Variants in OLFML2B observed in about 807,000 individuals in gnomAD.
The protein encoded by OLFML2B is olfactomedin like 2B.
Under a neutral mutation model 74.9 loss-of-function variants are expected in OLFML2B, and 57 were observed. The observed-to-expected ratio is 0.76, with a 90% CI of 0.61 to 0.95. OLFML2B has a LOEUF of 0.95. Ranked by LOEUF, OLFML2B falls within the 40% of genes least tolerant of loss-of-function variation. OLFML2B has a pLI of 0.00. For missense variants in OLFML2B, 986 were observed against 970.6 expected (o/e 1.02, Z -0.21); for synonymous variants, 388 against 405.8 (o/e 0.96, Z 0.53).
chr1:161,994,305 C>T (rs1043420462), intron 6 of OLFML2B, among the ~76,000 whole-genome samples: 20 of 152,280 alleles, frequency 1.3e-4, no homozygotes, highest in African/African-American at 4.8e-4. Context: ...TGACACGAGA[C>T]AGGCAGGACT....
At chr1:161,985,153 C>G (rs373210501) in intron 6 of OLFML2B, 173 bp from the exon 7 acceptor site, 13 of 577,502 alleles carry the variant, frequency 2.3e-5, no homozygotes, top group East Asian at 1.8e-4. Context: ...CCTGATCCAC[C>G]CTACACTTGA....
intron 6 of OLFML2B, among the ~76,000 whole-genome samples, chr1:161,996,803 C>G (rs1689919428): frequency 1.3e-5 from 2 of 152,214 alleles, no homozygotes; most frequent in Admixed American, 6.5e-5. Flanking sequence ...CTCCATGCTT[C>G]TGGAACATAC....
In OLFML2B at chr1:161,998,567, C is replaced by T. The variant is rs1689993586; in HGVS notation, c.950-218G>A. On this transcript the variant is annotated intron_variant, in intron 5 of 7. Transcript: ENST00000294794. ...GGGGGTTTCTCTGAATAGACTGCAG[C>T]CATGCTCCCCCCAGGACTCAGGGGT... Among the ~76,000 whole-genome samples, 5 of 152,130 alleles carry T rather than the reference C, an allele frequency of 3.3e-5. No individual in the cohort carries two copies. The South Asian group carries it at 1.0e-3, about 31-fold the overall frequency.
chr1:162,003,738 C>T (rs938550371), intron 4 of OLFML2B, among the ~76,000 whole-genome samples: 1 of 152,270 alleles, frequency 6.6e-6, no homozygotes, highest in African/African-American at 2.4e-5. Context: ...GAGAAGCCCT[C>T]AACAAATTAA....
In OLFML2B at chr1:161,984,848, CCGTAGTAA is replaced by C. The variant is rs772089370; in HGVS notation, c.1599_1606del (p.Tyr533Ter). The C allele has an allele frequency of 9.3e-6, 15 of 1,613,148 alleles. No individual in the cohort carries two copies. In the Admixed American group the frequency reaches 2.5e-4, roughly 27 times the overall value. On this transcript the variant is annotated stop_gained and frameshift_variant, in exon 7 of 8. Coordinates refer to ENST00000294794, the MANE Select transcript of OLFML2B (RefSeq NM_015441.3). LOFTEE classifies it high-confidence loss of function. ...GTTCCGGAACTCTACCAGGGTGTTG[CCGTAGTAA>C]TAGTTGGTTACGTAAATCCGCTCAT...
chr1:162,023,494 A>G lies in OLFML2B; in HGVS notation c.-64T>C. The G allele has an allele frequency of 7.2e-7, 1 of 1,384,552 alleles. No homozygotes were observed. The highest frequency in any genetic ancestry group is 9.5e-7 in the Non-Finnish European group (1 of 1,056,288). 85.8% of individuals were successfully genotyped at this position (1,384,552 alleles called of 1,614,324 possible). On this transcript the variant is annotated 5_prime_UTR_variant, in exon 1 of 8. Transcript: ENST00000294794. ...ATGGCTGGGGCGGGGGGTCTCGGCA[A>G]GGACTTCTGCGAGAGGGTGTCCTCG...
chr1:162,022,260 T>TTTTTTTTTTTTC (rs1460566719), intron 1 of OLFML2B, among the ~76,000 whole-genome samples: 8 of 127,818 alleles, frequency 6.3e-5, no homozygotes, highest in African/African-American at 9.6e-5. Flanking sequence ...TTTTTTTTTT[T>TTTTTTTTTTTTC]TTTTTTTTGA....
In OLFML2B at chr1:162,022,260, T is replaced by TTTTTTTTTTTTTTTTTTTTTTTTTTTTTC. The variant is rs1460566719; in HGVS notation, c.174+996_174+997insGAAAAAAAAAAAAAAAAAAAAAAAAAAAA. 1.3e-4 allele frequency among the ~76,000 whole-genome samples: 16 copies of TTTTTTTTTTTTTTTTTTTTTTTTTTTTTC among 127,888 alleles called. 1 individual carries two copies. The highest frequency in any genetic ancestry group is 3.2e-4 in the African/African-American group (10 of 31,370). 83.9% of individuals were successfully genotyped at this position (127,888 alleles called of 152,430 possible). ...GTATCTCTTCTTTTTTTTTTTTTTT[T>TTTTTTTTTTTTTTTTTTTTTTTTTTTTTC]TTTTTTTTGAGACGGAGTCTCACTC... On this transcript the variant is annotated intron_variant, in intron 1 of 7. Transcript: ENST00000294794.
At chr1:162,017,895 A>G (rs1690589716) in intron 2 of OLFML2B, among the ~76,000 whole-genome samples, 1 of 152,252 alleles carries the variant, frequency 6.6e-6, no homozygotes, top group African/African-American at 2.4e-5. Flanking sequence ...ATGCACATCA[A>G]TGACAGGCTG....
chr1:162,013,673 A>C (rs541009839), intron 3 of OLFML2B, among the ~76,000 whole-genome samples: 5 of 152,286 alleles, frequency 3.3e-5, no homozygotes, highest in African/African-American at 4.8e-5. Flanking sequence ...ACCAGGGTAC[A>C]TGCACAGGGA....
chr1:162,003,446 T>A (rs1690134145), intron 4 of OLFML2B, among the ~76,000 whole-genome samples: 1 of 152,214 alleles, frequency 6.6e-6, no homozygotes. Flanking sequence ...CTGCAGTGCT[T>A]TCTCCCAGCC....
At chr1:162,008,848 T>C (rs1278056367) in intron 3 of OLFML2B, among the ~76,000 whole-genome samples, 1 of 152,156 alleles carries the variant, frequency 6.6e-6, no homozygotes, top group African/African-American at 2.4e-5. Flanking sequence ...GAAGGGCTGT[T>C]TTATAGGAGC....
chr1:162,007,844 A>G (rs1011359599), intron 3 of OLFML2B, among the ~76,000 whole-genome samples: 22 of 152,180 alleles, frequency 1.4e-4, no homozygotes, highest in South Asian at 6.2e-4. Context: ...CAGCCATGCC[A>G]TTCTTATGGC....
At chr1:162,011,622 T>C (rs574609856) in intron 3 of OLFML2B, among the ~76,000 whole-genome samples, 20 of 152,310 alleles carry the variant, frequency 1.3e-4, no homozygotes, top group South Asian at 4.1e-4. Context: ...AGCTGCCCCA[T>C]TGAACATTCA....
At position 162,009,051 on chromosome 1, in the gene OLFML2B, G is replaced by A. The variant is rs543067415; in HGVS notation, c.547-2578C>T. 1.5e-4 allele frequency among the ~76,000 whole-genome samples: 23 copies of A among 152,294 alleles called. 1 individual carries two copies. The East Asian group carries it at 1.7e-3, about 11-fold the overall frequency. ...GTTACCTTTTTATTAAGGCGTTCAC[G>A]TGCTCAGTGCTGCACTGAGGGTTCA... On this transcript the variant is annotated intron_variant, in intron 3 of 7. Coordinates refer to ENST00000294794, the MANE Select transcript of OLFML2B (RefSeq NM_015441.3).
Position 161,983,492 on chromosome 1 carries a change from T to C in OLFML2B, c.*183A>G. On this transcript the variant is annotated 3_prime_UTR_variant, in exon 8 of 8. Transcript: ENST00000294794. ...GGAGGATGAGACCAGCACATACACG[T>C]ATGGATTGATCTACAATCCATATAA... 3.2e-6 allele frequency: 2 copies of C among 625,248 alleles called. No individual in the cohort carries two copies. Among genetic ancestry groups the C allele is most frequent in the East Asian group, 2.9e-5 (1 of 34,280 alleles). The allele number at this position is 625,248 out of a possible 1,614,324, so 38.7% of individuals were successfully genotyped here.
At chr1:161,987,537 A>C (rs904509614) in intron 6 of OLFML2B, among the ~76,000 whole-genome samples, 1 of 152,220 alleles carries the variant, frequency 6.6e-6, no homozygotes, top group African/African-American at 2.4e-5. Flanking sequence ...AGCCATGAGA[A>C]GCTGGAAAAG....
intron 1 of OLFML2B, among the ~76,000 whole-genome samples, chr1:162,020,983 G>A (rs752343050): frequency 6.6e-6 from 1 of 152,232 alleles, no homozygotes; most frequent in African/African-American, 2.4e-5. Flanking sequence ...GCCAGATGGA[G>A]AGCCTGCTCT....
At chr1:161,989,842 G>C (rs1214449876) in intron 6 of OLFML2B, among the ~76,000 whole-genome samples, 1 of 152,214 alleles carries the variant, frequency 6.6e-6, no homozygotes, top group East Asian at 1.9e-4. Flanking sequence ...AGTTCAGTGA[G>C]ATTCAAAGTG....
Sources: gnomAD v4.1 joint callset for allele counts (sites outside exome capture counted in the v4.1 genomes callset) on GRCh38, gnomAD v4.1.1 for gene constraint, MANE v1.5 for transcripts, NCBI Gene and HGNC (gene_info 2026-07-23, HGNC 2026-07-21) for gene names.